The following MED12L variants were observed in gnomAD, a reference collection of about 807,000 sequenced individuals.
MED12L encodes the protein mediator complex subunit 12L, also known as mediator of RNA polymerase II transcription subunit 12-like protein.
A neutral mutation model predicts 281.3 loss-of-function variants in MED12L; 60 were observed. The observed-to-expected ratio is 0.21, with a 90% CI of 0.17 to 0.26. MED12L has a LOEUF of 0.26. MED12L is among the 10% of genes least tolerant of loss of function. The pLI, the probability that MED12L is intolerant of heterozygous loss-of-function variation, is 1.00. For missense variants in MED12L, 2,146 were observed against 2,680.9 expected, an observed-to-expected ratio of 0.80 and a Z score of 4.41; for synonymous variants, 974 against 987.2, an observed-to-expected ratio of 0.99 and a Z score of 0.25.
At chr3:151,265,793 G>A (rs1474183131) in intron 16 of MED12L, among the ~76,000 whole-genome samples, 1 of 152,066 alleles carries the variant, frequency 6.6e-6, no homozygotes, top group African/African-American at 2.4e-5. Context: ...GTAAGATTGT[G>A]TTTGTATAAA....
intron 2 of MED12L, among the ~76,000 whole-genome samples, chr3:151,104,749 A>G (rs1213024721): frequency 6.6e-6 from 1 of 152,188 alleles, no homozygotes; most frequent in Non-Finnish European, 1.5e-5. Flanking sequence ...AAATCAACAT[A>G]TGCAGGGCCA....
chr3:151,380,999 T>G (rs1339648349), intron 32 of MED12L, among the ~76,000 whole-genome samples: 1 of 152,196 alleles, frequency 6.6e-6, no homozygotes, highest in African/African-American at 2.4e-5. Context: ...TTGGTTTATT[T>G]AGAAATAATT....
chr3:151,425,497 C>G (rs1480001930), intron 43 of MED12L: 2 of 387,418 alleles, frequency 5.2e-6, no homozygotes, highest in Non-Finnish European at 1.0e-5. Flanking sequence ...GACTCTTAGG[C>G]TCAAGTGATC....
At chr3:151,302,874 T>G (rs984603865) in intron 16 of MED12L, among the ~76,000 whole-genome samples, 7 of 152,174 alleles carry the variant, frequency 4.6e-5, no homozygotes, top group African/African-American at 1.7e-4. Flanking sequence ...TAGAGTCTAG[T>G]TGAGAATCCA....
At chr3:151,127,752 C>T in intron 4 of MED12L, 73 bp from the exon 5 acceptor site, 3 of 1,076,922 alleles carry the variant, frequency 2.8e-6, no homozygotes, top group Non-Finnish European at 4.0e-6. Context: ...TTTTGCTTCC[C>T]CTTTATTTAG....
intron 16 of MED12L, among the ~76,000 whole-genome samples, chr3:151,334,910 A>G (rs1750787095): frequency 6.6e-6 from 1 of 152,228 alleles, no homozygotes; most frequent in African/African-American, 2.4e-5. Flanking sequence ...GCAGCCATGG[A>G]TAAAACCTGA....
chr3:151,302,236 G>T (rs2149729867), intron 16 of MED12L, among the ~76,000 whole-genome samples: 1 of 152,248 alleles, frequency 6.6e-6, no homozygotes, highest in East Asian at 1.9e-4. Flanking sequence ...AGGAGTGGAG[G>T]GCATTAAAGA....
chr3:151,251,543 C>G (rs1443593856), intron 16 of MED12L, among the ~76,000 whole-genome samples: 1 of 152,174 alleles, frequency 6.6e-6, no homozygotes. Context: ...AGCACTGTGT[C>G]CCTTTTGTGG....
chr3:151,406,305 A>G (rs1189743682), intron 39 of MED12L, among the ~76,000 whole-genome samples: 1 of 152,262 alleles, frequency 6.6e-6, no homozygotes, highest in Non-Finnish European at 1.5e-5. Flanking sequence ...TAAAGAACTT[A>G]TTCATTCTGT....
At chr3:151,267,648 C>T (rs956032062) in intron 16 of MED12L, among the ~76,000 whole-genome samples, 1 of 152,122 alleles carries the variant, frequency 6.6e-6, no homozygotes, top group African/African-American at 2.4e-5. Context: ...TAGAAAATGT[C>T]TCTTGAGAGT....
intron 16 of MED12L, chr3:151,338,992 A>G (rs1751429550): frequency 1.4e-6 from 1 of 736,248 alleles, no homozygotes. Flanking sequence ...AGTAGTTAGT[A>G]TGAACACAGA....
At chr3:151,344,282 C>T (rs1182311254) in intron 16 of MED12L, among the ~76,000 whole-genome samples, 1 of 142,530 alleles carries the variant, frequency 7.0e-6, no homozygotes, top group Non-Finnish European at 1.5e-5. Flanking sequence ...AGAAAATATA[C>T]TCTATGTATA....
chr3:151,277,753 T>G (rs2149595372), intron 16 of MED12L, among the ~76,000 whole-genome samples: 1 of 152,352 alleles, frequency 6.6e-6, no homozygotes, highest in African/African-American at 2.4e-5. Flanking sequence ...GATTTACAAT[T>G]TAAAGGCATT....
chr3:151,373,089 C>T (rs1325571025), intron 27 of MED12L, among the ~76,000 whole-genome samples: 2 of 152,098 alleles, frequency 1.3e-5, no homozygotes, highest in Non-Finnish European at 2.9e-5. Flanking sequence ...TGCATTATTT[C>T]ATAACATAAC....
At chr3:151,224,458 T>G (rs1283461096) in intron 16 of MED12L, among the ~76,000 whole-genome samples, 1 of 152,244 alleles carries the variant, frequency 6.6e-6, no homozygotes, top group Non-Finnish European at 1.5e-5. Context: ...TTTTTTTTTT[T>G]TGGTGTCAAT....
intron 5 of MED12L, among the ~76,000 whole-genome samples, chr3:151,138,333 A>C (rs997866819): frequency 6.6e-6 from 1 of 152,146 alleles, no homozygotes; most frequent in African/African-American, 2.4e-5. Context: ...ATTTACAGAG[A>C]AATTGAGAAG....
At chr3:151,247,479 G>A (rs1735824177) in intron 16 of MED12L, among the ~76,000 whole-genome samples, 1 of 151,442 alleles carries the variant, frequency 6.6e-6, no homozygotes, top group Non-Finnish European at 1.5e-5. Flanking sequence ...GGATGAAATT[G>A]GAAATCATCA....
intron 16 of MED12L, among the ~76,000 whole-genome samples, chr3:151,193,988 G>A (rs1271974826): frequency 1.8e-4 from 22 of 124,048 alleles, no homozygotes; most frequent in African/African-American, 5.7e-4. Flanking sequence ...TTTTTGAGAC[G>A]GAGTTTCATT....
At chr3:151,329,464 CA>C in intron 16 of MED12L, 1 of 1,518,576 alleles carries the variant, frequency 6.6e-7, no homozygotes, top group Non-Finnish European at 8.9e-7. Context: ...CTCATAATAA[CA>C]AAAATTGAAA....
Sources: gnomAD v4.1 joint callset for allele counts (sites outside exome capture counted in the v4.1 genomes callset) on GRCh38, gnomAD v4.1.1 for gene constraint, MANE v1.5 for transcripts, NCBI Gene and HGNC (gene_info 2026-07-23, HGNC 2026-07-21) for gene names.